Variants in SDAD1 observed in about 807,000 individuals in gnomAD.
SDAD1 encodes protein SDA1 homolog.
SDAD1 carries 79 observed loss-of-function variants against 100.3 expected under a neutral mutation model. The ratio of observed to expected loss-of-function variants is 0.79; its 90% CI spans 0.66 to 0.95. The LOEUF (loss-of-function observed/expected upper bound fraction) is 0.95, where lower values mean the gene tolerates loss of function less well. SDAD1 is among the 40% of genes least tolerant of loss of function. The probability of loss-of-function intolerance (pLI) is 0.00; values close to 1 mark genes in which losing one functional copy is unlikely to be tolerated. For synonymous variants in SDAD1, 267 were observed against 271.4 expected, an observed-to-expected ratio of 0.98 and a Z score of 0.16; for missense variants, 790 against 810.9, an observed-to-expected ratio of 0.97 and a Z score of 0.31.
At chr4:75,981,644 G>T in intron 2 of SDAD1, 174 bp from the exon 3 acceptor site, 3 of 1,103,218 alleles carry the variant, frequency 2.7e-6, no homozygotes, top group South Asian at 1.4e-5. Flanking sequence ...ATTTATCATG[G>T]TTTCTCTAGT....
At position 75,950,813 on chromosome 4, in the gene SDAD1, G is replaced by C. The variant is rs1400961634; in HGVS notation, c.2017-16C>G. ...GTAGTGCCAACTGTAAGATAAAAAA[G>C]TATTGAAACATGATAACTCTTGGGT... is the stretch of plus-strand genomic sequence containing the variant. On this transcript the variant is annotated splice_polypyrimidine_tract_variant and intron_variant, in intron 21 of 21. Coordinates refer to ENST00000356260, the MANE Select transcript of SDAD1 (RefSeq NM_018115.4). 1.3e-6 allele frequency: 2 copies of C among 1,559,318 alleles called. No individual in the cohort carries two copies. Among genetic ancestry groups the C allele is most frequent in the African/African-American group, 1.4e-5 (1 of 73,946 alleles).
rs1484260465 is a variant in SDAD1 at position 75,958,852 on chromosome 4, C to T, written c.1484-911G>A. Among the ~76,000 whole-genome samples the T allele has an allele frequency of 2.0e-5, 3 of 150,550 alleles. No individual in the cohort carries two copies. The East Asian group carries it at 5.9e-4, about 30-fold the overall frequency. The stretch of plus-strand genomic sequence containing the variant: ...GTGGCTCACGCCTGTAATCCCAGCC[C>T]TTTGGGAGGCTGAGGCGGGCGGATC... On this transcript the variant is annotated intron_variant, in intron 17 of 21. Transcript: ENST00000356260.
At chr4:75,981,251 T>A in intron 3 of SDAD1, 121 bp downstream of exon 3, 2 of 887,276 alleles carry the variant, frequency 2.3e-6, no homozygotes, top group South Asian at 1.8e-5. Flanking sequence ...TAGGAAAGGA[T>A]AATACATTAT....
chr4:75,974,536 T>C (rs1222356772), intron 6 of SDAD1, among the ~76,000 whole-genome samples: 4 of 150,850 alleles, frequency 2.7e-5, no homozygotes, highest in South Asian at 4.2e-4. Flanking sequence ...ATCAACATAG[T>C]GAAACCCCAT....
intron 17 of SDAD1, among the ~76,000 whole-genome samples, 169 bp from the exon 18 acceptor site, chr4:75,958,110 G>A (rs1461687087): frequency 6.6e-6 from 1 of 152,152 alleles, no homozygotes; most frequent in South Asian, 2.1e-4. Context: ...GTTAATCTAA[G>A]GAATAGGAAA....
intron 1 of SDAD1, among the ~76,000 whole-genome samples, chr4:75,990,283 C>CA (rs1491230606): frequency 6.7e-6 from 1 of 149,744 alleles, no homozygotes; most frequent in Non-Finnish European, 1.5e-5. Context: ...AACCCCCCCC[C>CA]CCCCTTTCCT....
rs767840659 is a variant in SDAD1 at position 75,957,899 on chromosome 4, T to A, written c.1526A>T (p.Asp509Val). Residue 509 changes from aspartate (D) to valine (V), a missense_variant, in exon 18 of 22, where the codon GAT (aspartate) becomes GTT (valine). Transcript: ENST00000356260. Reference protein sequence around the residue: ...STSLSEEEDADGEWIDVQHSS... With the variant: ...STSLSEEEDAVGEWIDVQHSS... ...GTGTTGCACATCAATCCATTCACCA[T>A]CAGCATCCTCCTCCTCACTGAGACT... is the stretch of plus-strand genomic sequence containing the variant. 1.2e-5 allele frequency: 19 copies of A among 1,613,340 alleles called. No homozygotes were observed. The highest frequency in any genetic ancestry group is 1.6e-5 in the Non-Finnish European group (19 of 1,180,020).
At chr4:75,962,321 C>T (rs893068650) in intron 14 of SDAD1, among the ~76,000 whole-genome samples, 1 of 152,156 alleles carries the variant, frequency 6.6e-6, no homozygotes, top group South Asian at 2.1e-4. Context: ...GGGTTGGTTC[C>T]AAGTCTTTGC....
intron 3 of SDAD1, chr4:75,980,784 A>C (rs1342542059): frequency 6.5e-6 from 1 of 153,812 alleles, no homozygotes. Flanking sequence ...CCCAGGCACT[A>C]GGACTCCGAT....
chr4:75,975,984 T>C lies in SDAD1; in HGVS notation c.417A>G (p.Thr139=). The C allele has an allele frequency of 1.3e-6, 2 of 1,598,236 alleles. No individual in the cohort carries two copies. The highest frequency in any genetic ancestry group is 2.2e-5 in the East Asian group (1 of 44,738). Reference sequence around the variant, plus strand: ...TATTCTTGATATCAGTCACAATATGTGTGTATAAAGTCTGAGGAAAAGAAA... The same window carrying C: ...TATTCTTGATATCAGTCACAATATGCGTGTATAAAGTCTGAGGAAAAGAAA... ...HDKLLRKTLY[T]HIVTDIKNIN... The change falls in exon 5 of 22, where the codon ACA becomes ACG. Residue 139 remains threonine (T), a synonymous_variant. Coordinates refer to ENST00000356260, the MANE Select transcript of SDAD1 (RefSeq NM_018115.4).
chr4:75,963,729 T>C (rs543407028), intron 14 of SDAD1, among the ~76,000 whole-genome samples: 1 of 152,264 alleles, frequency 6.6e-6, no homozygotes, highest in African/African-American at 2.4e-5. Flanking sequence ...CTGCCAATGA[T>C]GCAGCAACGA....
chr4:75,979,993 G>C (rs780020212), intron 3 of SDAD1, among the ~76,000 whole-genome samples: 5 of 141,646 alleles, frequency 3.5e-5, no homozygotes, highest in Non-Finnish European at 7.9e-5. Context: ...AGGTGCACCT[G>C]GCATATATAT....
chr4:75,965,393 G>A (rs539839708), intron 13 of SDAD1, among the ~76,000 whole-genome samples: 1 of 152,048 alleles, frequency 6.6e-6, no homozygotes, highest in Non-Finnish European at 1.5e-5. Context: ...ATTTCGCCCT[G>A]GTCCTGTGAT....
intron 1 of SDAD1, among the ~76,000 whole-genome samples, chr4:75,986,747 T>C (rs1474422084): frequency 2.0e-5 from 3 of 152,190 alleles, no homozygotes; most frequent in African/African-American, 2.4e-5. Context: ...CCTTTCTTGG[T>C]TGGGCATGGT....
At chr4:75,973,169 A>C (rs543195189) in intron 8 of SDAD1, 148 bp downstream of exon 8, 1 of 585,790 alleles carries the variant, frequency 1.7e-6, no homozygotes, top group African/African-American at 1.8e-5. Context: ...ACAAATTCCA[A>C]GTAGAGTAAA....
Position 75,972,114 on chromosome 4 carries a change from T to C in SDAD1, c.712-656A>G, listed in dbSNP as rs147669656. On this transcript the variant is annotated intron_variant, in intron 8 of 21. Coordinates refer to ENST00000356260, the MANE Select transcript of SDAD1 (RefSeq NM_018115.4). ...CCACCATGTCTGGCTAATTCTTGTA[T>C]TTTTAGTAGAGACGGGTTTTGCCAT... Among the ~76,000 whole-genome samples, 888 of 152,084 alleles carry C rather than the reference T, an allele frequency of 5.8e-3. 21 individuals carry two copies. Among genetic ancestry groups the C allele is most frequent in the African/African-American group, 0.02 (842 of 41,518 alleles).
Position 75,957,372 on chromosome 4 carries a change from G to A in SDAD1, c.1807C>T (p.His603Tyr). The A allele has an allele frequency of 2.5e-6, 4 of 1,614,096 alleles. No individual in the cohort carries two copies. The South Asian group carries it at 4.4e-5, about 18-fold the overall frequency. The change falls in exon 20 of 22, where the codon CAT becomes TAT. Residue 603 changes from histidine (H) to tyrosine (Y), a missense_variant. By Grantham distance (83) the His-to-Tyr change is moderately conservative. Transcript: ENST00000356260. Reference protein sequence around the residue: ...LLSLRDIERLHKKPKSDKETR... With the variant: ...LLSLRDIERLYKKPKSDKETR... ...TCTTTGTCAGACTTTGGCTTTTTAT[G>A]AAGGCGTTCAATGTCCCGAAGAGAA...
rs749381831 is a variant in SDAD1, at chr4:75,961,206, C to A, written c.1279+5G>T. Reference sequence around the variant, plus strand: ...TTGGTGTGTAGAGAGTAACATGCAGCTTACTCTTATCCTTGTGTGTTTTAT... The same window carrying A: ...TTGGTGTGTAGAGAGTAACATGCAGATTACTCTTATCCTTGTGTGTTTTAT... On this transcript the variant is annotated splice_donor_5th_base_variant and intron_variant, in intron 15 of 21. Coordinates refer to ENST00000356260, the MANE Select transcript of SDAD1 (RefSeq NM_018115.4). 6 of 1,610,586 alleles carry A rather than the reference C, an allele frequency of 3.7e-6. No homozygotes were observed. Among genetic ancestry groups the A allele is most frequent in the Non-Finnish European group, 5.1e-6 (6 of 1,176,802 alleles).
chr4:75,972,649 AT>A (rs33999037), intron 8 of SDAD1, among the ~76,000 whole-genome samples: 10 of 143,816 alleles, frequency 7.0e-5, no homozygotes, highest in South Asian at 2.2e-4. Flanking sequence ...GGGAAGGATA[AT>A]TTTTTTTTTT....
Sources: gnomAD v4.1 joint callset for allele counts (sites outside exome capture counted in the v4.1 genomes callset) on GRCh38, gnomAD v4.1.1 for gene constraint, MANE v1.5 for transcripts, NCBI Gene and HGNC (gene_info 2026-07-23, HGNC 2026-07-21) for gene names.